Variants in HS6ST3 observed in about 807,000 individuals in gnomAD.
HS6ST3 encodes the protein heparan-sulfate 6-O-sulfotransferase 3.
In HS6ST3, 12 loss-of-function variants were observed where a neutral mutation model predicts 36.7. That is an observed-to-expected ratio of 0.33 (90% CI 0.21 to 0.53). HS6ST3 has a LOEUF of 0.53. Among genes scored for constraint, HS6ST3 ranks in the 20% least tolerant of loss-of-function variants. HS6ST3 has a pLI of 0.95. For synonymous variants in HS6ST3, 240 were observed against 257.5 expected (o/e 0.93, Z 0.65); for missense variants, 584 against 640.9 (o/e 0.91, Z 0.96).
At chr13:96,579,474 A>T (rs559051279) in intron 1 of HS6ST3, among the ~76,000 whole-genome samples, 2 of 152,124 alleles carry the variant, frequency 1.3e-5, no homozygotes, top group Admixed American at 6.6e-5. Context: ...CTAAAAAAAA[A>T]CTTTTTAGAT....
rs138802074 is a variant in HS6ST3, at chr13:96,488,714, C to T, written c.708-343776C>T. Among the ~76,000 whole-genome samples the T allele has an allele frequency of 2.0e-5, 3 of 152,094 alleles. No individual in the cohort carries two copies. The East Asian group carries it at 5.8e-4, about 29-fold the overall frequency. ...TCTTGTACATGGTGATTAATCACTG[C>T]CATCTGCATGATAGTTTTTCTTTTT... On this transcript the variant is annotated intron_variant, in intron 1 of 1. Transcript: ENST00000376705.
chr13:96,448,175 A>C (rs918165973), intron 1 of HS6ST3, among the ~76,000 whole-genome samples: 1 of 151,990 alleles, frequency 6.6e-6, no homozygotes. Flanking sequence ...TATGCAACTT[A>C]TTTTTTCTCT....
At chr13:96,827,018 G>C (rs1878662989) in intron 1 of HS6ST3, among the ~76,000 whole-genome samples, 1 of 152,190 alleles carries the variant, frequency 6.6e-6, no homozygotes, top group Non-Finnish European at 1.5e-5. Context: ...ACAAATGGAA[G>C]ATCTGCTGAC....
intron 1 of HS6ST3, among the ~76,000 whole-genome samples, chr13:96,524,887 G>A (rs903342948): frequency 6.6e-6 from 1 of 152,210 alleles, no homozygotes; most frequent in Non-Finnish European, 1.5e-5. Context: ...GTCCCAGTGA[G>A]ATGAACCAGG....
intron 1 of HS6ST3, among the ~76,000 whole-genome samples, chr13:96,250,405 C>T (rs1221619333): frequency 6.6e-6 from 1 of 152,182 alleles, no homozygotes; most frequent in African/African-American, 2.4e-5. Flanking sequence ...CCCTGCATTA[C>T]CTGGTGGGCC....
intron 1 of HS6ST3, among the ~76,000 whole-genome samples, chr13:96,149,780 A>T (rs752383752): frequency 3.3e-5 from 5 of 152,234 alleles, no homozygotes; most frequent in South Asian, 2.1e-4. Context: ...GAAAACTTTC[A>T]TGAAGAGCTA....
chr13:96,385,466 T>A (rs577438539), intron 1 of HS6ST3, among the ~76,000 whole-genome samples: 1 of 152,094 alleles, frequency 6.6e-6, no homozygotes, highest in Non-Finnish European at 1.5e-5. Context: ...CTGCTACTTC[T>A]GCAAAAAGGT....
chr13:96,091,191 C>G lies in HS6ST3; in HGVS notation c.329C>G (p.Pro110Arg). The G allele has an allele frequency of 1.9e-6, 3 of 1,554,490 alleles. No homozygotes were observed. Among genetic ancestry groups the G allele is most frequent in the Non-Finnish European group, 1.7e-6 (2 of 1,148,850 alleles). Residue 110 changes from proline (P) to arginine (R), a missense_variant, in exon 1 of 2, where the codon CCG becomes CGG. Transcript: ENST00000376705. ...EGEEEEEEDE[P>R]DPEAPENGSL... ...GAGGAAGAGGAGGAGGAAGACGAGC[C>G]GGACCCCGAGGCCCCGGAAAACGGC...
At chr13:96,496,605 A>G (rs1011496646) in intron 1 of HS6ST3, among the ~76,000 whole-genome samples, 2 of 152,088 alleles carry the variant, frequency 1.3e-5, no homozygotes, top group African/African-American at 2.4e-5. Flanking sequence ...AACTTTTCCA[A>G]CCATTCCAGG....
At chr13:96,786,376 A>G (rs996568577) in intron 1 of HS6ST3, among the ~76,000 whole-genome samples, 3 of 152,134 alleles carry the variant, frequency 2.0e-5, no homozygotes, top group Non-Finnish European at 2.9e-5. Flanking sequence ...CTCTAGTGCT[A>G]TCTGCTTTGT....
chr13:96,736,705 A>G (rs1253667181), intron 1 of HS6ST3, among the ~76,000 whole-genome samples: 1 of 152,252 alleles, frequency 6.6e-6, no homozygotes, highest in African/African-American at 2.4e-5. Context: ...CTGGCCATAC[A>G]TAAAACTTCA....
At chr13:96,634,160 A>T (rs2056541180) in intron 1 of HS6ST3, among the ~76,000 whole-genome samples, 1 of 152,184 alleles carries the variant, frequency 6.6e-6, no homozygotes, top group Non-Finnish European at 1.5e-5. Flanking sequence ...TGAGAAACAG[A>T]TGTCTGTTGT....
chr13:96,366,715 C>T (rs894721187), intron 1 of HS6ST3, among the ~76,000 whole-genome samples: 9 of 151,958 alleles, frequency 5.9e-5, no homozygotes, highest in African/African-American at 2.2e-4. Context: ...GCCCAAGAAC[C>T]GTTGCTTAAA....
chr13:96,246,637 A>G (rs1211633368), intron 1 of HS6ST3, among the ~76,000 whole-genome samples: 1 of 152,178 alleles, frequency 6.6e-6, no homozygotes, highest in Non-Finnish European at 1.5e-5. Flanking sequence ...AATTCCAGAA[A>G]TACAGTGTTT....
chr13:96,446,549 A>G lies in HS6ST3; in HGVS notation c.707+354980A>G, dbSNP rs973921403. Among the ~76,000 whole-genome samples the G allele has an allele frequency of 5.3e-5, 8 of 152,148 alleles. No homozygotes were observed. In the East Asian group the frequency reaches 1.5e-3, roughly 29 times the overall value. ...TCTCTGGTGTGACCTCCCTCTTCAC[A>G]GGTGTTGTTCAGCACTCCCGACAAC... On this transcript the variant is annotated intron_variant, in intron 1 of 1. Coordinates refer to ENST00000376705, the MANE Select transcript of HS6ST3 (RefSeq NM_153456.4).
intron 1 of HS6ST3, among the ~76,000 whole-genome samples, chr13:96,754,868 A>G (rs1183982859): frequency 2.0e-5 from 3 of 152,090 alleles, no homozygotes; most frequent in African/African-American, 7.2e-5. Flanking sequence ...AATATTACAT[A>G]TTACATTATA....
chr13:96,094,169 T>C (rs1320000145), intron 1 of HS6ST3, among the ~76,000 whole-genome samples: 1 of 152,226 alleles, frequency 6.6e-6, no homozygotes, highest in Non-Finnish European at 1.5e-5. Flanking sequence ...AGTCTCAGTT[T>C]CTTCACTTTT....
chr13:96,488,923 T>C (rs1289873758), intron 1 of HS6ST3, among the ~76,000 whole-genome samples: 2 of 151,932 alleles, frequency 1.3e-5, no homozygotes, highest in Non-Finnish European at 2.9e-5. Flanking sequence ...AAAATAGATA[T>C]AAAAAATTGT....
intron 1 of HS6ST3, among the ~76,000 whole-genome samples, chr13:96,435,629 C>T (rs564948478): frequency 8.5e-5 from 13 of 152,310 alleles, no homozygotes; most frequent in Admixed American, 3.9e-4. Context: ...AGGAAGCCCT[C>T]GCATATTGGT....
Sources: allele counts gnomAD v4.1 joint callset (sites outside exome capture counted in the v4.1 genomes callset), GRCh38; gene constraint gnomAD v4.1.1; transcripts MANE v1.5; gene names NCBI Gene and HGNC (gene_info 2026-07-23, HGNC 2026-07-21).